BAZ1A: variants seen among roughly 807,000 people sequenced by gnomAD.
The protein encoded by BAZ1A is bromodomain adjacent to zinc finger domain protein 1A.
Under a neutral mutation model 185.2 loss-of-function variants are expected in BAZ1A, and 50 were observed. The ratio of observed to expected loss-of-function variants is 0.27; its 90% CI spans 0.22 to 0.34. BAZ1A has a LOEUF of 0.34. Ranked by LOEUF, BAZ1A falls within the 10% of genes least tolerant of loss-of-function variation. The probability of loss-of-function intolerance (pLI) is 1.00; values close to 1 mark genes in which losing one functional copy is unlikely to be tolerated. For missense variants in BAZ1A, 1,356 were observed against 1,839.9 expected, an observed-to-expected ratio of 0.74 and a Z score of 4.81; for synonymous variants, 571 against 615.6, an observed-to-expected ratio of 0.93 and a Z score of 1.07.
chr14:34,868,975 G>GTA (rs1350855687), intron 2 of BAZ1A, among the ~76,000 whole-genome samples: 2 of 149,090 alleles, frequency 1.3e-5, no homozygotes, highest in Admixed American at 6.8e-5. Context: ...TATTATATAT[G>GTA]TATATATATA....
Position 34,826,013 on chromosome 14 carries a change from C to T in BAZ1A, c.536G>A (p.Gly179Glu). Residue 179 changes from glycine to glutamate, a missense_variant and splice_region_variant, in exon 4 of 27, where the codon GGG becomes GAG. Physicochemically the swap from Gly to Glu is moderately conservative, Grantham distance 98. Transcript: ENST00000360310. ...SETQSCSFQNGKKKDAIDPLL... is the reference protein window; with the variant it reads ...SETQSCSFQNEKKKDAIDPLL... ...TTAAAAATTAATAAAAATCACTTAC[C>T]CATTTTGAAAAGAACAGCTTTGTGT... 6.5e-7 allele frequency: 1 copy of T among 1,538,582 alleles called. No individual in the cohort carries two copies.
In BAZ1A at chr14:34,753,079, C is replaced by T. The variant is rs757749984; in HGVS notation, c.*429G>A. 2 of 155,862 alleles carry T rather than the reference C, an allele frequency of 1.3e-5. No individual in the cohort carries two copies. The highest frequency in any genetic ancestry group is 4.8e-5 in the African/African-American group (2 of 41,314). The allele number at this position is 155,862 out of a possible 1,614,324, so 9.7% of individuals were successfully genotyped here. A position where few individuals can be genotyped will look rare whatever the true frequency, so the allele number is the denominator to read the frequency against. ...TCATGTGTAGTGTTGAAAGAATGTA[C>T]TCAAACAATTAATTAAGACATAAAC... On this transcript the variant is annotated 3_prime_UTR_variant, in exon 27 of 27. Transcript: ENST00000360310.
chr14:34,761,926 G>A lies in BAZ1A; in HGVS notation c.4074C>T (p.Arg1358=), dbSNP rs376130710. ...TATTATTAGCACTTTTCCTGCCTCT[G>A]CGTTTTCTACGAGGACTAAGCAATT... ...FVELLSPRRK[R]RGRKSANNTP... Residue 1358 remains arginine (R), a synonymous_variant, in exon 24 of 27, where the codon CGC becomes CGT. Coordinates refer to ENST00000360310, the MANE Select transcript of BAZ1A (RefSeq NM_013448.3). The A allele has an allele frequency of 3.9e-5, 63 of 1,614,060 alleles. No individual in the cohort carries two copies. The Middle Eastern group carries it at 1.2e-3, about 29-fold the overall frequency.
chr14:34,795,106 C>G (rs745376079), intron 10 of BAZ1A, among the ~76,000 whole-genome samples: 1 of 152,060 alleles, frequency 6.6e-6, no homozygotes, highest in Non-Finnish European at 1.5e-5. Context: ...GACAAGGGAC[C>G]GGGAGAAAGG....
chr14:34,799,594 C>G (rs1881392353), intron 9 of BAZ1A, among the ~76,000 whole-genome samples: 1 of 151,890 alleles, frequency 6.6e-6, no homozygotes, highest in Non-Finnish European at 1.5e-5. Context: ...CCTTATTTTT[C>G]AAGTAGGATA....
chr14:34,804,395 T>C (rs1347685981), intron 6 of BAZ1A, among the ~76,000 whole-genome samples: 2 of 152,160 alleles, frequency 1.3e-5, no homozygotes, highest in Non-Finnish European at 2.9e-5. Flanking sequence ...CTCAAACAAG[T>C]GAACAAAAGC....
chr14:34,758,408 C>T lies in BAZ1A; in HGVS notation c.4386+296G>A, dbSNP rs148044588. Among the ~76,000 whole-genome samples, 20 of 151,964 alleles carry T rather than the reference C, an allele frequency of 1.3e-4. No homozygotes were observed. In the East Asian group the frequency reaches 3.5e-3, roughly 27 times the overall value. On this transcript the variant is annotated intron_variant, in intron 25 of 26. Transcript: ENST00000360310. ...CAGCCTGACCAACATGTTGAAACCC[C>T]GTCTCTACTAAAAATAGAAATATTA...
At chr14:34,863,321 G>A (rs12879437) in intron 2 of BAZ1A, among the ~76,000 whole-genome samples, 82,329 of 151,196 alleles carry the variant, frequency 0.54, 23,474 homozygotes, top group Non-Finnish European at 0.65. Flanking sequence ...GTGCCACCAC[G>A]CCCGGCTAAT....
In BAZ1A at chr14:34,753,191, T is replaced by TAACAA. The variant is rs746931643; in HGVS notation, c.*312_*316dup. ...CACCACTTTAAAAAAAAATCATCAA[T>TAACAA]AACAAAATAAATCGTGGGTGAAAAA... is the stretch of plus-strand genomic sequence containing the variant. On this transcript the variant is annotated 3_prime_UTR_variant, in exon 27 of 27. Coordinates refer to ENST00000360310, the MANE Select transcript of BAZ1A (RefSeq NM_013448.3). The TAACAA allele has an allele frequency of 3.0e-4, 73 of 246,214 alleles. No homozygotes were observed. The highest frequency in any genetic ancestry group is 5.2e-4 in the Non-Finnish European group (66 of 127,274). 15.3% of individuals were successfully genotyped at this position (246,214 alleles called of 1,614,324 possible). A position where few individuals can be genotyped will look rare whatever the true frequency, so the allele number is the denominator to read the frequency against.
chr14:34,800,498 T>A (rs946186740), intron 8 of BAZ1A, 108 bp from the exon 9 acceptor site: 4 of 915,382 alleles, frequency 4.4e-6, no homozygotes, highest in Non-Finnish European at 4.8e-6. Flanking sequence ...TTAAATGAGA[T>A]TAGTAGAGAC....
At chr14:34,795,137 A>G (rs1402655944) in intron 10 of BAZ1A, among the ~76,000 whole-genome samples, 1 of 152,176 alleles carries the variant, frequency 6.6e-6, no homozygotes, top group Non-Finnish European at 1.5e-5. Context: ...TCCTTATACT[A>G]AGAACATAAC....
At chr14:34,865,163 G>A (rs1258753437) in intron 2 of BAZ1A, among the ~76,000 whole-genome samples, 1 of 152,018 alleles carries the variant, frequency 6.6e-6, no homozygotes, top group Non-Finnish European at 1.5e-5. Context: ...CAGGAGAATC[G>A]CTTCAGTCCA....
chr14:34,790,386 C>T (rs1880766962), intron 12 of BAZ1A, among the ~76,000 whole-genome samples: 1 of 152,112 alleles, frequency 6.6e-6, no homozygotes, highest in South Asian at 2.1e-4. Context: ...CAGAGTCTCT[C>T]TCTATTGCCT....
intron 23 of BAZ1A, among the ~76,000 whole-genome samples, chr14:34,762,669 T>A (rs1566546001): frequency 6.6e-6 from 1 of 152,042 alleles, no homozygotes; most frequent in Non-Finnish European, 1.5e-5. Flanking sequence ...GGGGTTTTGC[T>A]ATGTTGCCCA....
chr14:34,802,161 ATTTTAT>A (rs1374865269), intron 7 of BAZ1A, among the ~76,000 whole-genome samples: 2 of 152,180 alleles, frequency 1.3e-5, no homozygotes, highest in African/African-American at 2.4e-5. Flanking sequence ...CCAATGTCAA[ATTTTAT>A]TTTTATTTTA....
chr14:34,772,260 G>C (rs1032904087), intron 20 of BAZ1A, among the ~76,000 whole-genome samples: 5 of 151,992 alleles, frequency 3.3e-5, no homozygotes, highest in African/African-American at 1.2e-4. Flanking sequence ...GGCCTAAAAT[G>C]ATCATTTTAA....
chr14:34,809,753 G>A (rs2041903359), intron 5 of BAZ1A, among the ~76,000 whole-genome samples: 1 of 151,874 alleles, frequency 6.6e-6, no homozygotes, highest in Non-Finnish European at 1.5e-5. Context: ...AAGTCAAAAA[G>A]TAAATAGAAA....
chr14:34,756,466 ATTTTTT>A (rs1158606061), intron 25 of BAZ1A, among the ~76,000 whole-genome samples: 19 of 79,024 alleles, frequency 2.4e-4, no homozygotes, highest in East Asian at 1.6e-3. Flanking sequence ...CAGAATACCT[ATTTTTT>A]TTTTTTTTTT....
intron 6 of BAZ1A, among the ~76,000 whole-genome samples, chr14:34,806,950 T>C (rs1282041120): frequency 6.6e-6 from 1 of 151,224 alleles, no homozygotes; most frequent in African/African-American, 2.4e-5. Context: ...GGGTTTGCCA[T>C]GTTTCCCAGG....
Sources: allele counts gnomAD v4.1 joint callset (sites outside exome capture counted in the v4.1 genomes callset), GRCh38; gene constraint gnomAD v4.1.1; transcripts MANE v1.5; gene names NCBI Gene and HGNC (gene_info 2026-07-23, HGNC 2026-07-21).